The following EPHA1 variants were observed in gnomAD, a reference collection of about 807,000 sequenced individuals.
EPHA1 encodes ephrin type-A receptor 1.
A neutral mutation model predicts 110.1 loss-of-function variants in EPHA1; 92 were observed. That is an observed-to-expected ratio of 0.84 (90% confidence interval 0.71 to 0.99). EPHA1 has a LOEUF of 0.99. Ranked by LOEUF, EPHA1 falls within the 50% of genes least tolerant of loss-of-function variation. The probability of loss-of-function intolerance (pLI) is 0.00; values close to 1 mark genes in which losing one functional copy is unlikely to be tolerated. For missense variants in EPHA1, 1,204 were observed against 1,285.4 expected, an observed-to-expected ratio of 0.94 and a Z score of 0.97; for synonymous variants, 500 against 516.1, an observed-to-expected ratio of 0.97 and a Z score of 0.42.
chr7:143,399,116 G>T, intron 5 of EPHA1, 142 bp downstream of exon 5: 2 of 1,248,392 alleles, frequency 1.6e-6, no homozygotes, highest in South Asian at 1.4e-5. Flanking sequence ...AGAGCAGGGT[G>T]CCAGGGCAGG....
At position 143,408,719 on chromosome 7, in the gene EPHA1, G is replaced by A. The variant is rs1218719161; in HGVS notation, c.82+5C>T. 2 of 764,604 alleles carry A rather than the reference G, an allele frequency of 2.6e-6. No individual in the cohort carries two copies. Among genetic ancestry groups the A allele is most frequent in the South Asian group, 6.6e-5 (1 of 15,234 alleles). 47.4% of individuals were successfully genotyped at this position (764,604 alleles called of 1,614,324 possible). On this transcript the variant is annotated splice_donor_5th_base_variant and intron_variant, in intron 1 of 17. Coordinates refer to ENST00000275815, the MANE Select transcript of EPHA1 (RefSeq NM_005232.5). The stretch of plus-strand genomic sequence containing the variant: ...GGTTGGGGGCGCGGGGGCGGGGGTC[G>A]GTACCTTCCTTGGCGCGCGCCCCCG...
Position 143,398,528 on chromosome 7 carries a change from A to C in EPHA1, c.1336+73T>G, listed in dbSNP as rs1805324414. 1.9e-6 allele frequency: 3 copies of C among 1,608,354 alleles called. No individual in the cohort carries two copies. The Admixed American group carries it at 5.0e-5, about 27-fold the overall frequency. Reference sequence around the variant, plus strand: ...GTAACTTTTCTATGGCTTCCTGCCCATCAGTTTGTTCTGTGGTCTTAAGCC... The same window carrying C: ...GTAACTTTTCTATGGCTTCCTGCCCCTCAGTTTGTTCTGTGGTCTTAAGCC... On this transcript the variant is annotated intron_variant, in intron 6 of 17. Transcript: ENST00000275815.
At chr7:143,392,767 C>T (rs1340463621) in intron 16 of EPHA1, among the ~76,000 whole-genome samples, 5 of 152,102 alleles carry the variant, frequency 3.3e-5, no homozygotes, top group Admixed American at 3.3e-4. Flanking sequence ...CATGGTGAAA[C>T]CCCGTTTCTA....
At chr7:143,400,532 T>C (rs571036859) in intron 3 of EPHA1, among the ~76,000 whole-genome samples, 4 of 152,204 alleles carry the variant, frequency 2.6e-5, no homozygotes, top group Non-Finnish European at 5.9e-5. Context: ...CTCCTTACTC[T>C]TCTGCATCCC....
At position 143,391,555 on chromosome 7, in the gene EPHA1, G is replaced by T; in HGVS notation, c.2853-20C>A. On this transcript the variant is annotated intron_variant, in intron 17 of 17. Coordinates refer to ENST00000275815, the MANE Select transcript of EPHA1 (RefSeq NM_005232.5). ...AGGTCCCTGTGGGCAAGGAAGGGTG[G>T]GGGCATGAGTCCGGAGGCTCCACCC... The T allele has an allele frequency of 6.2e-7, 1 of 1,614,140 alleles. No individual in the cohort carries two copies. The highest frequency in any genetic ancestry group is 8.5e-7 in the Non-Finnish European group (1 of 1,180,006).
Position 143,398,115 on chromosome 7 carries a change from C to T in EPHA1, c.1465-45G>A, listed in dbSNP as rs372770901. 171 of 1,606,688 alleles carry T rather than the reference C, an allele frequency of 1.1e-4. 1 individual carries two copies. The highest frequency in any genetic ancestry group is 8.3e-4 in the Middle Eastern group (5 of 6,040). On this transcript the variant is annotated intron_variant, in intron 7 of 17. Transcript: ENST00000275815. ...TAAGTGGGCAGTGCTGAGCCAGACC[C>T]GGGTGGATGTGATGGACAGCATCAG...
At chr7:143,403,099 G>A (rs1161750705) in intron 2 of EPHA1, among the ~76,000 whole-genome samples, 1 of 152,218 alleles carries the variant, frequency 6.6e-6, no homozygotes, top group Non-Finnish European at 1.5e-5. Flanking sequence ...GGGAGTGGTG[G>A]CTCACGCCTG....
At position 143,396,316 on chromosome 7, in the gene EPHA1, G is replaced by A. The variant is rs1805243103; in HGVS notation, c.1897+69C>T. The A allele has an allele frequency of 3.2e-6, 5 of 1,556,844 alleles. No individual in the cohort carries two copies. The Admixed American group carries it at 5.6e-5, about 17-fold the overall frequency. On this transcript the variant is annotated intron_variant, in intron 11 of 17. Coordinates refer to ENST00000275815, the MANE Select transcript of EPHA1 (RefSeq NM_005232.5). ...CTGCCCAGGGAAGCGCTGGAAGGAA[G>A]GGGCCTGCTGGTGGCTCTGTGCTGC...
In EPHA1 at chr7:143,407,688, G is replaced by A. The variant is rs776660769; in HGVS notation, c.83-10C>T. On this transcript the variant is annotated splice_polypyrimidine_tract_variant and intron_variant, in intron 1 of 17. Coordinates refer to ENST00000275815, the MANE Select transcript of EPHA1 (RefSeq NM_005232.5). ...GTGTCCATCAGAGTAACTGAAAGTG[G>A]GGAGAAAAGAAGTCTGTCACCTCTG... 1.2e-6 allele frequency: 2 copies of A among 1,612,942 alleles called. No individual in the cohort carries two copies. The highest frequency in any genetic ancestry group is 1.7e-4 in the Middle Eastern group (1 of 6,056).
chr7:143,395,256 C>A lies in EPHA1; in HGVS notation c.2083+63G>T. The A allele has an allele frequency of 6.2e-7, 1 of 1,613,344 alleles. No individual in the cohort carries two copies. ...TGGCCACACATCCTCCCTCCACTTCCAGTGGTTTCACCCCTCTTTCCTGCA... is the reference window on the plus strand; with the variant it reads ...TGGCCACACATCCTCCCTCCACTTCAAGTGGTTTCACCCCTCTTTCCTGCA... On this transcript the variant is annotated intron_variant, in intron 12 of 17. Transcript: ENST00000275815. The surrounding 1 kb of genome is among the most constrained non-coding windows in gnomAD (Gnocchi z 4.7).
chr7:143,406,629 T>C (rs1209213694), intron 2 of EPHA1, among the ~76,000 whole-genome samples: 1 of 152,206 alleles, frequency 6.6e-6, no homozygotes, highest in Non-Finnish European at 1.5e-5. Context: ...AGGGCAGTCT[T>C]GTGGGGCTGA....
intron 2 of EPHA1, among the ~76,000 whole-genome samples, chr7:143,405,136 G>T (rs4726619): frequency 0.8 from 121,673 of 151,700 alleles, 48,937 homozygotes; most frequent in South Asian, 0.91. Context: ...GCACCAGGAG[G>T]CTTCTCCTAA....
chr7:143,404,268 G>A (rs1418849682), intron 2 of EPHA1, among the ~76,000 whole-genome samples: 1 of 150,670 alleles, frequency 6.6e-6, no homozygotes, highest in Non-Finnish European at 1.5e-5. Context: ...CCAGGCTAGA[G>A]TGCAGTGGTG....
At position 143,392,941 on chromosome 7, in the gene EPHA1, C is replaced by T. The variant is rs567147128; in HGVS notation, c.2696+730G>A. ...TGGGCGACAGAGCAAGACTCCGTCT[C>T]GGGGTGGAAAAAAAAACAACAACTC... is the stretch of plus-strand genomic sequence containing the variant. On this transcript the variant is annotated intron_variant, in intron 16 of 17. Coordinates refer to ENST00000275815, the MANE Select transcript of EPHA1 (RefSeq NM_005232.5). Among the ~76,000 whole-genome samples, 7 of 150,490 alleles carry T rather than the reference C, an allele frequency of 4.7e-5. No individual in the cohort carries two copies. The East Asian group carries it at 1.2e-3, about 27-fold the overall frequency.
At position 143,401,852 on chromosome 7, in the gene EPHA1, T is replaced by A. The variant is rs576777926; in HGVS notation, c.151-247A>T. Among the ~76,000 whole-genome samples the A allele has an allele frequency of 6.6e-6, 1 of 152,250 alleles. No individual in the cohort carries two copies. The highest frequency in any genetic ancestry group is 1.9e-4 in the East Asian group (1 of 5,180). On this transcript the variant is annotated intron_variant, in intron 2 of 17. Transcript: ENST00000275815. The surrounding 1 kb of genome is among the most constrained non-coding windows in gnomAD (Gnocchi z 4.1). ...AGTTGATCCTGGTCCCTTCAGTTAG[T>A]CTAGTCCACTTATTTCATCAGCAGA...
intron 10 of EPHA1, among the ~76,000 whole-genome samples, chr7:143,396,923 G>A (rs1441397894): frequency 6.6e-6 from 1 of 152,156 alleles, no homozygotes; most frequent in Non-Finnish European, 1.5e-5. Context: ...ACCTAATGAG[G>A]TGACAAGCAA....
chr7:143,394,970 C>T lies in EPHA1; in HGVS notation c.2190G>A (p.Leu730=), dbSNP rs762865705. The change falls in exon 14 of 18, where the codon CTG becomes CTA. Residue 730 remains leucine (L), a synonymous_variant. Transcript: ENST00000275815. ...QLVPGQLVAM[L]QGIASGMNYL... ...AGTTCATGCCAGATGCTATGCCCTG[C>T]AGCATGGCCACTAGCTGCCCAGGGA... 1.2e-6 allele frequency: 2 copies of T among 1,613,998 alleles called. No homozygotes were observed. Among genetic ancestry groups the T allele is most frequent in the Non-Finnish European group, 1.7e-6 (2 of 1,180,026 alleles).
intron 11 of EPHA1, 83 bp downstream of exon 11, chr7:143,396,302 A>G: frequency 6.7e-7 from 1 of 1,494,486 alleles, no homozygotes; most frequent in Non-Finnish European, 9.0e-7. Context: ...TGCCCAGGGA[A>G]GCGCTGGAAG....
At chr7:143,408,670 C>T (rs1409398624) in intron 1 of EPHA1, 54 bp downstream of exon 1, 4 of 389,474 alleles carry the variant, frequency 1.0e-5, no homozygotes, top group Non-Finnish European at 1.7e-5. Context: ...GCTGGCCGGG[C>T]CCCGGGAAGG....
Sources: allele counts gnomAD v4.1 joint callset (sites outside exome capture counted in the v4.1 genomes callset), GRCh38; gene constraint gnomAD v4.1.1; non-coding constraint Gnocchi (gnomAD v3.1); transcripts MANE v1.5; gene names NCBI Gene and HGNC (gene_info 2026-07-23, HGNC 2026-07-21).